APPBP2: variants seen among roughly 807,000 people sequenced by gnomAD.
The protein encoded by APPBP2 is amyloid protein-binding protein 2.
APPBP2 carries 15 observed loss-of-function variants against 76.0 expected under a neutral mutation model. The observed-to-expected ratio is 0.20, with a 90% CI of 0.13 to 0.30. The LOEUF (loss-of-function observed/expected upper bound fraction) is 0.30, where lower values mean the gene tolerates loss of function less well. Among genes scored for constraint, APPBP2 ranks in the 10% least tolerant of loss-of-function variants. APPBP2 has a pLI of 1.00. For synonymous variants in APPBP2, 222 were observed against 242.2 expected, an observed-to-expected ratio of 0.92 and a Z score of 0.77; for missense variants, 401 against 687.2, an observed-to-expected ratio of 0.58 and a Z score of 4.66.
chr17:60,462,386 A>G (rs2090481842), intron 6 of APPBP2: 2 of 222,204 alleles, frequency 9.0e-6, no homozygotes. Flanking sequence ...GGCAGAATTT[A>G]CCACAGCATT....
intron 1 of APPBP2, among the ~76,000 whole-genome samples, chr17:60,512,275 TG>T (rs1398688561): frequency 6.6e-6 from 1 of 151,906 alleles, no homozygotes; most frequent in East Asian, 1.9e-4. Context: ...GCTAATTTTT[TG>T]TATTTTTTAG....
chr17:60,474,411 T>C (rs954473023), intron 4 of APPBP2, among the ~76,000 whole-genome samples: 2 of 152,072 alleles, frequency 1.3e-5, no homozygotes, highest in African/African-American at 2.4e-5. Flanking sequence ...TGACCTTAGG[T>C]GATCCACCCA....
At chr17:60,490,494 A>G (rs551989865) in intron 3 of APPBP2, among the ~76,000 whole-genome samples, 1 of 152,312 alleles carries the variant, frequency 6.6e-6, no homozygotes, top group South Asian at 2.1e-4. Context: ...CAACATAGCA[A>G]GACCTTGTCT....
In APPBP2 at chr17:60,466,287, T is replaced by G. The variant is rs1341706541; in HGVS notation, c.672+4A>C. On this transcript the variant is annotated splice_donor_region_variant and intron_variant, in intron 5 of 12. Transcript: ENST00000083182. ...CACAGTGAAATGTACCTTAAAACAC[T>G]TACCTCATCATAGTGACTTTTTGCA... 3.1e-6 allele frequency: 5 copies of G among 1,612,730 alleles called. No individual in the cohort carries two copies. The highest frequency in any genetic ancestry group is 4.2e-6 in the Non-Finnish European group (5 of 1,179,314).
At chr17:60,509,065 C>T (rs1374184585) in intron 1 of APPBP2, among the ~76,000 whole-genome samples, 1 of 152,082 alleles carries the variant, frequency 6.6e-6, no homozygotes, top group African/African-American at 2.4e-5. Flanking sequence ...GCATCCTGAT[C>T]CAAACAAGCA....
At chr17:60,484,992 A>G (rs1284448497) in intron 3 of APPBP2, among the ~76,000 whole-genome samples, 1 of 152,066 alleles carries the variant, frequency 6.6e-6, no homozygotes, top group Non-Finnish European at 1.5e-5. Flanking sequence ...GGTTCTGTTT[A>G]TGTTATGGAT....
At chr17:60,466,566 C>CCTT in intron 4 of APPBP2, 107 bp from the exon 5 acceptor site, 1 of 1,123,154 alleles carries the variant, frequency 8.9e-7, no homozygotes, top group Non-Finnish European at 1.3e-6. Context: ...AATACAATTA[C>CCTT]AAGGCAGCAT....
intron 1 of APPBP2, among the ~76,000 whole-genome samples, chr17:60,512,053 CT>C (rs2090917871): frequency 6.6e-6 from 1 of 151,750 alleles, no homozygotes; most frequent in Non-Finnish European, 1.5e-5. Context: ...TTATTGAAGA[CT>C]TTTGGGTGTC....
chr17:60,472,119 C>T (rs1267986478), intron 4 of APPBP2, among the ~76,000 whole-genome samples: 1 of 152,086 alleles, frequency 6.6e-6, no homozygotes, highest in Non-Finnish European at 1.5e-5. Flanking sequence ...GAGTAAGACT[C>T]TGTCTCATAA....
intron 1 of APPBP2, among the ~76,000 whole-genome samples, chr17:60,501,588 G>C (rs574318263): frequency 1.3e-5 from 2 of 152,154 alleles, no homozygotes; most frequent in South Asian, 4.2e-4. Context: ...AGTAGAGACG[G>C]GGTTTCACCA....
At chr17:60,515,065 A>G (rs1440234282) in intron 1 of APPBP2, among the ~76,000 whole-genome samples, 5 of 151,578 alleles carry the variant, frequency 3.3e-5, no homozygotes, top group Non-Finnish European at 7.4e-5. Context: ...CGGCCTCCCA[A>G]AGTGCTGGGA....
At position 60,508,261 on chromosome 17, in the gene APPBP2, T is replaced by TA. The variant is rs200447401; in HGVS notation, c.139-7775dup. 2.4e-3 allele frequency among the ~76,000 whole-genome samples: 371 copies of TA among 152,222 alleles called. 1 individual carries two copies. The highest frequency in any genetic ancestry group is 9.4e-3 in the Admixed American group (144 of 15,274). Reference sequence around the variant, plus strand: ...AGGCAAACTGCTTTAAGAATACAGATAAAATATCCACTCCAAGAACTTCAG... The same window carrying TA: ...AGGCAAACTGCTTTAAGAATACAGATAAAAATATCCACTCCAAGAACTTCAG... On this transcript the variant is annotated intron_variant, in intron 1 of 12. Coordinates refer to ENST00000083182, the MANE Select transcript of APPBP2 (RefSeq NM_006380.5).
chr17:60,507,994 A>G (rs1412546641), intron 1 of APPBP2, among the ~76,000 whole-genome samples: 1 of 146,956 alleles, frequency 6.8e-6, no homozygotes, highest in African/African-American at 2.5e-5. Context: ...TTTTTTGGAG[A>G]CAGGGTCTCA....
chr17:60,462,103 T>A, intron 6 of APPBP2, 42 bp from the exon 7 acceptor site: 1 of 1,464,700 alleles, frequency 6.8e-7, no homozygotes, highest in Non-Finnish European at 9.6e-7. Flanking sequence ...AAACAGTTCA[T>A]TAGTGTGCTA....
rs903762667 is a variant in APPBP2 at position 60,444,366 on chromosome 17, A to C, written c.*3215T>G. 2 of 152,268 alleles carry C rather than the reference A, an allele frequency of 1.3e-5. No homozygotes were observed. Among genetic ancestry groups the C allele is most frequent in the Non-Finnish European group, 2.9e-5 (2 of 68,022 alleles). 9.4% of individuals were successfully genotyped at this position (152,268 alleles called of 1,614,324 possible). On this transcript the variant is annotated 3_prime_UTR_variant, in exon 13 of 13. Coordinates refer to ENST00000083182, the MANE Select transcript of APPBP2 (RefSeq NM_006380.5). The stretch of plus-strand genomic sequence containing the variant: ...AGCAAATCATTATTTCTATGTATAA[A>C]GTTTCAGCCAAAGGCTTCAATCATG...
chr17:60,520,496 C>T (rs1427217021), intron 1 of APPBP2, among the ~76,000 whole-genome samples: 1 of 151,410 alleles, frequency 6.6e-6, no homozygotes, highest in African/African-American at 2.4e-5. Context: ...TCACTTGAAC[C>T]CAGGAGGCAG....
intron 1 of APPBP2, among the ~76,000 whole-genome samples, chr17:60,505,087 C>G (rs375737940): frequency 2.6e-5 from 4 of 152,266 alleles, no homozygotes; most frequent in East Asian, 3.9e-4. Context: ...ATATAAAAAT[C>G]TGAAATAATA....
At position 60,513,997 on chromosome 17, in the gene APPBP2, TAAAA is replaced by T. The variant is rs35785295; in HGVS notation, c.138+11793_138+11796del. Among the ~76,000 whole-genome samples the T allele has an allele frequency of 3.7e-5, 4 of 108,574 alleles. No individual in the cohort carries two copies. In the Admixed American group the frequency reaches 4.1e-4, roughly 11 times the overall value. 71.2% of individuals were successfully genotyped at this position (108,574 alleles called of 152,430 possible). On this transcript the variant is annotated intron_variant, in intron 1 of 12. Coordinates refer to ENST00000083182, the MANE Select transcript of APPBP2 (RefSeq NM_006380.5). ...ACACATATACATATTTTCCCCACATTAAAAAAAAAAAAAAAAAAAAAACACAGCC... is the reference window on the plus strand; with the variant it reads ...ACACATATACATATTTTCCCCACATTAAAAAAAAAAAAAAAAAACACAGCC...
chr17:60,523,440 T>C (rs1003600547), intron 1 of APPBP2, among the ~76,000 whole-genome samples: 1 of 152,098 alleles, frequency 6.6e-6, no homozygotes, highest in Non-Finnish European at 1.5e-5. Flanking sequence ...AAGGTTGCGG[T>C]GAGCTATGAT....
Sources: allele counts gnomAD v4.1 joint callset (sites outside exome capture counted in the v4.1 genomes callset), GRCh38; gene constraint gnomAD v4.1.1; transcripts MANE v1.5; gene names NCBI Gene and HGNC (gene_info 2026-07-23, HGNC 2026-07-21).